Variants in CCBE1 observed in about 807,000 individuals in gnomAD.
The protein encoded by CCBE1 is collagen and calcium-binding EGF domain-containing protein 1.
In CCBE1, 37 loss-of-function variants were observed where a neutral mutation model predicts 50.0. That is an observed-to-expected ratio of 0.74 (90% CI 0.57 to 0.97). CCBE1 has a LOEUF of 0.97. Ranked by LOEUF, CCBE1 falls within the 50% of genes least tolerant of loss-of-function variation. The pLI, the probability that CCBE1 is intolerant of heterozygous loss-of-function variation, is 0.00. For synonymous variants in CCBE1, 234 were observed against 203.7 expected (o/e 1.15, Z -1.27); for missense variants, 538 against 523.8 (o/e 1.03, Z -0.26).
intron 2 of CCBE1, among the ~76,000 whole-genome samples, chr18:59,653,683 A>C (rs1354747094): frequency 6.6e-6 from 1 of 152,224 alleles, no homozygotes; most frequent in Non-Finnish European, 1.5e-5. Flanking sequence ...CTCCCAATAG[A>C]GTTAAAAAAA....
intron 2 of CCBE1, among the ~76,000 whole-genome samples, chr18:59,678,544 G>T (rs9653093): frequency 6.9e-6 from 1 of 143,938 alleles, no homozygotes; most frequent in African/African-American, 2.9e-5. Context: ...AAAATTATAT[G>T]TATTTTGAGA....
intron 2 of CCBE1, among the ~76,000 whole-genome samples, chr18:59,491,258 C>T (rs1463558953): frequency 1.3e-5 from 2 of 152,132 alleles, no homozygotes; most frequent in East Asian, 1.9e-4. Flanking sequence ...TCTGAACTGT[C>T]CCCTTGCCAC....
chr18:59,675,410 A>G (rs2054487538), intron 2 of CCBE1, among the ~76,000 whole-genome samples: 1 of 152,192 alleles, frequency 6.6e-6, no homozygotes, highest in Non-Finnish European at 1.5e-5. Flanking sequence ...AAGCAACAAT[A>G]ACTAAAACCT....
chr18:59,546,328 C>T (rs1324870681), intron 2 of CCBE1, among the ~76,000 whole-genome samples: 1 of 152,240 alleles, frequency 6.6e-6, no homozygotes, highest in African/African-American at 2.4e-5. Context: ...TGAATCACCC[C>T]TCATATTCAC....
At chr18:59,532,283 G>C (rs1249182781) in intron 2 of CCBE1, among the ~76,000 whole-genome samples, 1 of 152,162 alleles carries the variant, frequency 6.6e-6, no homozygotes, top group African/African-American at 2.4e-5. Flanking sequence ...TAACTTAGGT[G>C]ATCTGCCTGT....
intron 2 of CCBE1, among the ~76,000 whole-genome samples, chr18:59,639,888 T>A (rs1198347100): frequency 2.0e-5 from 3 of 151,980 alleles, no homozygotes; most frequent in Non-Finnish European, 4.4e-5. Context: ...TACAATCCAT[T>A]CAAAATAGCC....
chr18:59,667,730 C>T (rs2054375668), intron 2 of CCBE1, among the ~76,000 whole-genome samples: 1 of 152,166 alleles, frequency 6.6e-6, no homozygotes. Flanking sequence ...TCAGTTCATT[C>T]CACAGAGTCA....
rs117464298 is a variant in CCBE1 at position 59,595,754 on chromosome 18, G to C, written c.212+100875C>G. 2.2e-3 allele frequency among the ~76,000 whole-genome samples: 337 copies of C among 152,278 alleles called. 6 individuals carry two copies. The East Asian group carries it at 0.032, about 14-fold the overall frequency. On this transcript the variant is annotated intron_variant, in intron 2 of 10. Transcript: ENST00000439986. Reference sequence around the variant, plus strand: ...TGCCTCAGTGTAACTGAATATATCAGTTCTTTGGCAGGCAGAGCAAAGGTA... The same window carrying C: ...TGCCTCAGTGTAACTGAATATATCACTTCTTTGGCAGGCAGAGCAAAGGTA...
intron 2 of CCBE1, among the ~76,000 whole-genome samples, chr18:59,620,484 T>C (rs2053697843): frequency 6.6e-6 from 1 of 152,194 alleles, no homozygotes; most frequent in Non-Finnish European, 1.5e-5. Context: ...ATCCTAATAC[T>C]ATATGTAGCA....
intron 2 of CCBE1, among the ~76,000 whole-genome samples, chr18:59,488,893 C>G (rs1199829590): frequency 6.6e-6 from 1 of 152,142 alleles, no homozygotes; most frequent in East Asian, 1.9e-4. Context: ...CCGAGCCCAC[C>G]TGAAAGACAC....
intron 5 of CCBE1, among the ~76,000 whole-genome samples, chr18:59,464,719 C>T (rs1911660356): frequency 6.6e-6 from 1 of 152,346 alleles, no homozygotes; most frequent in African/African-American, 2.4e-5. Flanking sequence ...CTTTGTAGTT[C>T]TCCCTTGCCA....
At chr18:59,473,753 C>G (rs1912161102) in intron 3 of CCBE1, among the ~76,000 whole-genome samples, 1 of 134,844 alleles carries the variant, frequency 7.4e-6, no homozygotes, top group African/African-American at 2.8e-5. Flanking sequence ...TCCCCCACTA[C>G]TCACCTTCCA....
intron 2 of CCBE1, among the ~76,000 whole-genome samples, chr18:59,527,151 C>T (rs1382132060): frequency 4.6e-5 from 7 of 152,158 alleles, no homozygotes; most frequent in Admixed American, 4.6e-4. Flanking sequence ...CCTTGTAGTT[C>T]TCTAAGAACT....
Position 59,522,713 on chromosome 18 carries a change from G to A in CCBE1, c.213-42475C>T, listed in dbSNP as rs566102464. 2.4e-3 allele frequency among the ~76,000 whole-genome samples: 371 copies of A among 152,234 alleles called. 3 individuals are homozygous for A. Among genetic ancestry groups the A allele is most frequent in the African/African-American group, 8.5e-3 (353 of 41,540 alleles). On this transcript the variant is annotated intron_variant, in intron 2 of 10. Transcript: ENST00000439986. ...GGGAATTAAATTTTTTTCTTGGCCG[G>A]GCGCAGTGGCTCACGCCTGTAATCC...
intron 5 of CCBE1, among the ~76,000 whole-genome samples, chr18:59,455,823 G>A (rs1911166558): frequency 6.6e-6 from 1 of 152,236 alleles, no homozygotes; most frequent in African/African-American, 2.4e-5. Context: ...TGTTCAGGCA[G>A]GCAGGACAGT....
chr18:59,533,878 GAA>G (rs1915143158), intron 2 of CCBE1, among the ~76,000 whole-genome samples: 1 of 152,196 alleles, frequency 6.6e-6, no homozygotes, highest in Non-Finnish European at 1.5e-5. Context: ...CAATATGCGT[GAA>G]AACACATTTA....
chr18:59,563,105 C>A (rs988521560), intron 2 of CCBE1, among the ~76,000 whole-genome samples: 1 of 152,166 alleles, frequency 6.6e-6, no homozygotes, highest in Non-Finnish European at 1.5e-5. Context: ...CCCTTACAAC[C>A]CCACCAGGTG....
At position 59,575,365 on chromosome 18, in the gene CCBE1, G is replaced by T. The variant is rs552883863; in HGVS notation, c.213-95127C>A. ...GGATCACAGGGCAAAAGGTGAAAGA[G>T]CAGAACAAGGTCAAGGGGAAAGTGC... is the stretch of plus-strand genomic sequence containing the variant. On this transcript the variant is annotated intron_variant, in intron 2 of 10. Coordinates refer to ENST00000439986, the MANE Select transcript of CCBE1 (RefSeq NM_133459.4). Among the ~76,000 whole-genome samples, 19 of 152,184 alleles carry T rather than the reference G, an allele frequency of 1.2e-4. No homozygotes were observed. In the South Asian group the frequency reaches 3.7e-3, roughly 30 times the overall value.
At chr18:59,482,534 T>C (rs1180114943) in intron 2 of CCBE1, among the ~76,000 whole-genome samples, 1 of 152,232 alleles carries the variant, frequency 6.6e-6, no homozygotes, top group Non-Finnish European at 1.5e-5. Context: ...AGCAAAGACT[T>C]GCTCTGAATT....
Sources: allele counts gnomAD v4.1 joint callset (sites outside exome capture counted in the v4.1 genomes callset), GRCh38; gene constraint gnomAD v4.1.1; transcripts MANE v1.5; gene names NCBI Gene and HGNC (gene_info 2026-07-23, HGNC 2026-07-21).